The following ADH6 variants were observed in gnomAD, a reference collection of about 807,000 sequenced individuals.
ADH6 encodes alcohol dehydrogenase 6 (class V), also known as alcohol dehydrogenase 6.
A neutral mutation model predicts 36.5 loss-of-function variants in ADH6; 34 were observed. The ratio of observed to expected loss-of-function variants is 0.93; its 90% CI spans 0.71 to 1.24. ADH6 has a LOEUF of 1.24. ADH6 is among the 50% of genes most tolerant of loss of function. ADH6 has a pLI of 0.00. For missense variants in ADH6, 440 were observed against 447.0 expected, an observed-to-expected ratio of 0.98 and a Z score of 0.14; for synonymous variants, 161 against 155.5, an observed-to-expected ratio of 1.04 and a Z score of -0.26.
At chr4:99,213,978 G>C (rs141628143) in intron 2 of ADH6, among the ~76,000 whole-genome samples, 64 of 152,284 alleles carry the variant, frequency 4.2e-4, no homozygotes, top group Middle Eastern at 3.4e-3. Context: ...TGGGGAGTGT[G>C]GGTAGAATGG....
intron 5 of ADH6, 133 bp downstream of exon 5, chr4:99,209,949 A>G (rs1211670515): frequency 9.6e-6 from 8 of 831,842 alleles, no homozygotes; most frequent in Admixed American, 6.9e-5. Context: ...GGTAGATAGC[A>G]GAGAACTCAA....
chr4:99,207,143 G>C (rs1731063698), intron 7 of ADH6, among the ~76,000 whole-genome samples: 1 of 151,966 alleles, frequency 6.6e-6, no homozygotes, highest in South Asian at 2.1e-4. Context: ...TCGCTGAAGT[G>C]TAGTTATAGA....
At chr4:99,209,652 A>G (rs1221951270) in intron 5 of ADH6, among the ~76,000 whole-genome samples, 1 of 152,006 alleles carries the variant, frequency 6.6e-6, no homozygotes, top group Non-Finnish European at 1.5e-5. Flanking sequence ...TTTTATTAGC[A>G]TTTATCACTA....
intron 7 of ADH6, among the ~76,000 whole-genome samples, chr4:99,205,556 A>T (rs1284628813): frequency 6.6e-6 from 1 of 152,100 alleles, no homozygotes; most frequent in African/African-American, 2.4e-5. Flanking sequence ...AGCTCTTGGG[A>T]AAAGAATGTG....
chr4:99,216,156 TTTAC>T lies in ADH6; in HGVS notation c.120+1_120+4del. On this transcript the variant is annotated splice_donor_variant and splice_donor_region_variant and intron_variant, in intron 2 of 8. Coordinates refer to ENST00000394899, the MANE Select transcript of ADH6 (RefSeq NM_001102470.2). LOFTEE classifies it high-confidence loss of function. Reference sequence around the variant, plus strand: ...TGTGATTTTTTTTTTTTTTTTTTTTTTTACCTTTATGCGAACTTCCTTTGCCTTT... The same window carrying T: ...TGTGATTTTTTTTTTTTTTTTTTTTTCTTTATGCGAACTTCCTTTGCCTTT... 2 of 1,441,482 alleles carry T rather than the reference TTTAC, an allele frequency of 1.4e-6. No individual in the cohort carries two copies. The highest frequency in any genetic ancestry group is 9.3e-7 in the Non-Finnish European group (1 of 1,078,710). 89.3% of individuals were successfully genotyped at this position (1,441,482 alleles called of 1,614,324 possible).
intron 1 of ADH6, among the ~76,000 whole-genome samples, chr4:99,217,741 T>C (rs991684425): frequency 2.0e-5 from 3 of 152,178 alleles, no homozygotes; most frequent in African/African-American, 7.2e-5. Flanking sequence ...AGTAGTGGGA[T>C]TGCAGGTGTC....
chr4:99,213,282 T>C (rs1731289615), intron 3 of ADH6, among the ~76,000 whole-genome samples: 1 of 152,116 alleles, frequency 6.6e-6, no homozygotes, highest in African/African-American at 2.4e-5. Flanking sequence ...TGATTATTTA[T>C]CATATGCCTC....
Position 99,213,734 on chromosome 4 carries a change from C to A in ADH6, c.134G>T (p.Gly45Val). The A allele has an allele frequency of 6.2e-7, 1 of 1,608,222 alleles. No homozygotes were observed. The change falls in exon 3 of 9, where the codon GGA (glycine) becomes GTA (valine). Residue 45 changes from glycine (G) to valine (V), a missense_variant. Coordinates refer to ENST00000394899, the MANE Select transcript of ADH6 (RefSeq NM_001102470.2). The part of the protein sequence containing the change: ...KEVRIKVVAT[G>V]LCGTEMKVLG... ...CACTTTCATCTCTGTACCACACAGTCCGGTGGCCACAACCTGTATGGAAGG... is the reference window on the plus strand; with the variant it reads ...CACTTTCATCTCTGTACCACACAGTACGGTGGCCACAACCTGTATGGAAGG...
At chr4:99,213,538 G>T in intron 3 of ADH6, 68 bp downstream of exon 3, 1 of 1,403,158 alleles carries the variant, frequency 7.1e-7, no homozygotes, top group Admixed American at 2.4e-5. Context: ...TACTTAAGGG[G>T]TGCTTATCAT....
At chr4:99,211,542 C>T (rs1452212598) in intron 3 of ADH6, among the ~76,000 whole-genome samples, 2 of 152,160 alleles carry the variant, frequency 1.3e-5, no homozygotes, top group South Asian at 2.1e-4. Context: ...ATATCCTGCA[C>T]AAATCCCTAG....
intron 1 of ADH6, among the ~76,000 whole-genome samples, chr4:99,217,547 T>A (rs1457754376): frequency 1.3e-5 from 2 of 152,196 alleles, no homozygotes; most frequent in African/African-American, 4.8e-5. Flanking sequence ...GATGACAGGA[T>A]CTCATTCTTT....
Position 99,208,701 on chromosome 4 carries a change from G to A in ADH6, c.795C>T (p.Phe265=), listed in dbSNP as rs1731121975. Reference sequence around the variant, plus strand: ...CCAGATTTCCAATGGCCTCAAAGCAGAAGTCTATACCAGCATCTGTCATAT... The same window carrying A: ...CCAGATTTCCAATGGCCTCAAAGCAAAAGTCTATACCAGCATCTGTCATAT... ...LFDMTDAGID[F]CFEAIGNLDV... Residue 265 remains phenylalanine, a synonymous_variant, in exon 6 of 9, where the codon TTC becomes TTT. Coordinates refer to ENST00000394899, the MANE Select transcript of ADH6 (RefSeq NM_001102470.2). 2 of 1,613,708 alleles carry A rather than the reference G, an allele frequency of 1.2e-6. No individual in the cohort carries two copies. Among genetic ancestry groups the A allele is most frequent in the Non-Finnish European group, 1.7e-6 (2 of 1,179,728 alleles).
chr4:99,204,449 C>A, intron 8 of ADH6: 4 of 1,361,478 alleles, frequency 2.9e-6, no homozygotes, highest in Non-Finnish European at 3.8e-6. Flanking sequence ...AGCTTATACT[C>A]GTGTGGGGAA....
chr4:99,213,555 G>T, intron 3 of ADH6, 51 bp downstream of exon 3: 3 of 1,269,332 alleles, frequency 2.4e-6, no homozygotes, highest in East Asian at 3.2e-5. Flanking sequence ...TCATTTTCTC[G>T]AGTTGGTTCC....
intron 7 of ADH6, among the ~76,000 whole-genome samples, chr4:99,206,868 T>C (rs1480270094): frequency 6.6e-6 from 1 of 152,102 alleles, no homozygotes; most frequent in African/African-American, 2.4e-5. Flanking sequence ...TAAAATAGTC[T>C]TCTAAAGTCT....
At chr4:99,204,901 A>G in intron 8 of ADH6, 24 bp downstream of exon 8, 1 of 1,594,596 alleles carries the variant, frequency 6.3e-7, no homozygotes. Flanking sequence ...ACACACAGAC[A>G]TAAAATTTAT....
intron 1 of ADH6, among the ~76,000 whole-genome samples, chr4:99,218,276 G>A (rs1036007218): frequency 6.6e-6 from 1 of 152,006 alleles, no homozygotes; most frequent in African/African-American, 2.4e-5. Flanking sequence ...GCAGCCATGC[G>A]ATGTGTTCAC....
chr4:99,203,718 G>T lies in ADH6; in HGVS notation c.*501C>A, dbSNP rs1730929373. 1 of 152,406 alleles carries T rather than the reference G, an allele frequency of 6.6e-6. No individual in the cohort carries two copies. Among genetic ancestry groups the T allele is most frequent in the African/African-American group, 2.4e-5 (1 of 41,444 alleles). 9.4% of individuals were successfully genotyped at this position (152,406 alleles called of 1,614,324 possible). A position where few individuals can be genotyped will look rare whatever the true frequency, so the allele number is the denominator to read the frequency against. On this transcript the variant is annotated 3_prime_UTR_variant, in exon 9 of 9. Transcript: ENST00000394899. ...TTGAATTTTCTTTGGCAATCCAGGA[G>T]AGGAGAGATTTGTGCCAAGGAGATA... is the stretch of plus-strand genomic sequence containing the variant.
At chr4:99,210,061 A>G in intron 5 of ADH6, 21 bp downstream of exon 5, 1 of 1,609,006 alleles carries the variant, frequency 6.2e-7, no homozygotes, top group Non-Finnish European at 8.5e-7. Context: ...TCCCTTCCAA[A>G]TGGGTATAAA....
Sources: allele counts gnomAD v4.1 joint callset (sites outside exome capture counted in the v4.1 genomes callset), GRCh38; gene constraint gnomAD v4.1.1; transcripts MANE v1.5; gene names NCBI Gene and HGNC (gene_info 2026-07-23, HGNC 2026-07-21).